The following THSD7B variants were observed in gnomAD, a reference collection of about 807,000 sequenced individuals.
The protein encoded by THSD7B is thrombospondin type 1 domain containing 7B.
A neutral mutation model predicts 213.6 loss-of-function variants in THSD7B; 138 were observed. That is an observed-to-expected ratio of 0.65 (90% CI 0.56 to 0.74). The LOEUF (loss-of-function observed/expected upper bound fraction) is 0.74, where lower values mean the gene tolerates loss of function less well. Among genes scored for constraint, THSD7B ranks in the 30% least tolerant of loss-of-function variants. THSD7B has a pLI of 0.00. For synonymous variants in THSD7B, 742 were observed against 687.0 expected, an observed-to-expected ratio of 1.08 and a Z score of -1.25; for missense variants, 1,931 against 1,991.5, an observed-to-expected ratio of 0.97 and a Z score of 0.58.
At chr2:137,464,628 A>G (rs1359214511) in intron 15 of THSD7B, among the ~76,000 whole-genome samples, 2 of 152,102 alleles carry the variant, frequency 1.3e-5, no homozygotes, top group East Asian at 3.9e-4. Flanking sequence ...TCTGTTCTGG[A>G]AGAAACCCTT....
intron 17 of THSD7B, among the ~76,000 whole-genome samples, chr2:137,589,409 C>A (rs879653122): frequency 5.3e-5 from 8 of 152,116 alleles, no homozygotes; most frequent in Non-Finnish European, 8.8e-5. Context: ...TTTATAAAAT[C>A]TTAAGCAATT....
At chr2:137,504,195 G>GGGT (rs1196530702) in intron 15 of THSD7B, among the ~76,000 whole-genome samples, 1 of 152,034 alleles carries the variant, frequency 6.6e-6, no homozygotes, top group Admixed American at 6.5e-5. Context: ...CTGACTCCAT[G>GGGT]GGTGATGGTT....
intron 7 of THSD7B, among the ~76,000 whole-genome samples, chr2:137,185,139 A>G (rs1443070252): frequency 6.6e-6 from 1 of 152,206 alleles, no homozygotes; most frequent in Non-Finnish European, 1.5e-5. Context: ...CCAGAAGAGA[A>G]TATATTTCAT....
At chr2:137,388,937 C>A (rs563233338) in intron 12 of THSD7B, among the ~76,000 whole-genome samples, 1 of 151,864 alleles carries the variant, frequency 6.6e-6, no homozygotes, top group African/African-American at 2.4e-5. Flanking sequence ...TATGTTGATT[C>A]CATATCGTTG....
chr2:137,302,156 T>G (rs1683620808), intron 12 of THSD7B, among the ~76,000 whole-genome samples: 2 of 151,886 alleles, frequency 1.3e-5, no homozygotes, highest in South Asian at 4.2e-4. Context: ...GAGATATAAT[T>G]TGGGTGGTCA....
intron 14 of THSD7B, among the ~76,000 whole-genome samples, chr2:137,412,944 A>G (rs1419867245): frequency 1.3e-5 from 2 of 151,722 alleles, no homozygotes; most frequent in East Asian, 3.9e-4. Context: ...TCTAGAAACA[A>G]ATGGGTAGAT....
intron 17 of THSD7B, among the ~76,000 whole-genome samples, chr2:137,587,832 A>G (rs915202222): frequency 1.1e-4 from 16 of 152,198 alleles, no homozygotes; most frequent in African/African-American, 3.1e-4. Context: ...CTCAAACTCC[A>G]TGCTGGGAGA....
chr2:136,885,166 T>C (rs1683696070), intron 2 of THSD7B, among the ~76,000 whole-genome samples: 1 of 152,200 alleles, frequency 6.6e-6, no homozygotes, highest in African/African-American at 2.4e-5. Context: ...CTGTACTTTA[T>C]TGTAGAAACC....
chr2:137,166,383 A>T (rs1396003962), intron 6 of THSD7B, among the ~76,000 whole-genome samples: 3 of 152,162 alleles, frequency 2.0e-5, no homozygotes, highest in African/African-American at 7.2e-5. Context: ...ACATTTTAAA[A>T]TTTTTTCTTG....
chr2:137,528,945 A>G (rs1680330186), intron 15 of THSD7B, among the ~76,000 whole-genome samples: 1 of 152,038 alleles, frequency 6.6e-6, no homozygotes, highest in South Asian at 2.1e-4. Flanking sequence ...AGCCACACCA[A>G]AAGTTCTTGG....
In THSD7B at chr2:137,086,423, T is replaced by G. The variant is rs373292680; in HGVS notation, c.951-8450T>G. On this transcript the variant is annotated intron_variant, in intron 3 of 27. Transcript: ENST00000409968. Reference sequence around the variant, plus strand: ...CCATTTTCTATCTGCCCACACCCCTTGGTTCCTAACTCGTATCCCTCCAAC... The same window carrying G: ...CCATTTTCTATCTGCCCACACCCCTGGGTTCCTAACTCGTATCCCTCCAAC... 2.0e-5 allele frequency among the ~76,000 whole-genome samples: 3 copies of G among 152,282 alleles called. No homozygotes were observed. The East Asian group carries it at 5.8e-4, about 29-fold the overall frequency.
intron 12 of THSD7B, among the ~76,000 whole-genome samples, chr2:137,363,807 G>A (rs952524621): frequency 3.9e-5 from 6 of 152,162 alleles, no homozygotes; most frequent in African/African-American, 1.4e-4. Flanking sequence ...TCTAGTGGAG[G>A]TATGAAGAAA....
intron 15 of THSD7B, among the ~76,000 whole-genome samples, chr2:137,559,813 C>T (rs1045101899): frequency 3.9e-5 from 6 of 152,172 alleles, no homozygotes; most frequent in Non-Finnish European, 8.8e-5. Flanking sequence ...GCAATCTACT[C>T]ATCTGACAAA....
intron 24 of THSD7B, 72 bp downstream of exon 24, chr2:137,657,232 G>A: frequency 1.4e-6 from 2 of 1,423,604 alleles, no homozygotes; most frequent in Non-Finnish European, 1.9e-6. Context: ...AGAAGAATTA[G>A]CTTACAAATT....
chr2:137,395,689 G>A (rs1686163724), intron 12 of THSD7B, among the ~76,000 whole-genome samples: 1 of 152,148 alleles, frequency 6.6e-6, no homozygotes, highest in Non-Finnish European at 1.5e-5. Flanking sequence ...CAATGAGTTA[G>A]GGAGGATTCC....
intron 1 of THSD7B, among the ~76,000 whole-genome samples, chr2:136,847,799 A>C (rs919484035): frequency 4.6e-5 from 7 of 152,180 alleles, no homozygotes; most frequent in Non-Finnish European, 8.8e-5. Flanking sequence ...TGTTTACCTT[A>C]CACATTGGCA....
chr2:137,033,682 G>A (rs1023819582), intron 2 of THSD7B, among the ~76,000 whole-genome samples: 7 of 151,810 alleles, frequency 4.6e-5, no homozygotes, highest in South Asian at 4.2e-4. Context: ...GCACAATCTC[G>A]GCTCACTGCA....
intron 15 of THSD7B, among the ~76,000 whole-genome samples, chr2:137,523,940 A>G (rs980054900): frequency 4.6e-5 from 7 of 152,236 alleles, no homozygotes; most frequent in Non-Finnish European, 1.0e-4. Flanking sequence ...TTAGTTAAAA[A>G]TACAGTGAGG....
chr2:136,825,652 C>T (rs749755883), intron 1 of THSD7B, among the ~76,000 whole-genome samples: 7 of 151,688 alleles, frequency 4.6e-5, no homozygotes, highest in African/African-American at 7.3e-5. Flanking sequence ...CCTGGGTTCA[C>T]GCCATTCTCC....
Sources: gnomAD v4.1 joint callset for allele counts (sites outside exome capture counted in the v4.1 genomes callset) on GRCh38, gnomAD v4.1.1 for gene constraint, MANE v1.5 for transcripts, NCBI Gene and HGNC (gene_info 2026-07-23, HGNC 2026-07-21) for gene names.